Variants in NMNAT3 observed in about 807,000 individuals in gnomAD.
NMNAT3 encodes nicotinamide nucleotide adenylyltransferase 3.
In NMNAT3, 21 loss-of-function variants were observed where a neutral mutation model predicts 24.8. The ratio of observed to expected loss-of-function variants is 0.85; its 90% CI spans 0.60 to 1.22. NMNAT3 has a LOEUF of 1.22. NMNAT3 is among the 50% of genes most tolerant of loss of function. The pLI, the probability that NMNAT3 is intolerant of heterozygous loss-of-function variation, is 0.00. For synonymous variants in NMNAT3, 136 were observed against 155.2 expected, an observed-to-expected ratio of 0.88 and a Z score of 0.92; for missense variants, 387 against 436.6, an observed-to-expected ratio of 0.89 and a Z score of 1.01.
At chr3:139,588,120 T>G (rs1012020515) in intron 3 of NMNAT3, among the ~76,000 whole-genome samples, 2 of 152,152 alleles carry the variant, frequency 1.3e-5, no homozygotes, top group Non-Finnish European at 2.9e-5. Flanking sequence ...CCTTCCCCAC[T>G]GCTCTAGGTC....
chr3:139,639,290 T>C (rs547364964), intron 1 of NMNAT3, among the ~76,000 whole-genome samples: 1 of 152,306 alleles, frequency 6.6e-6, no homozygotes, highest in East Asian at 1.9e-4. Context: ...ATGGATGAGG[T>C]CAAAACAAAG....
chr3:139,662,397 C>G (rs541233241), intron 1 of NMNAT3, among the ~76,000 whole-genome samples: 1 of 152,216 alleles, frequency 6.6e-6, no homozygotes, highest in African/African-American at 2.4e-5. Context: ...CCTCAGAGGG[C>G]TGTTATGAAG....
At chr3:139,657,353 T>A (rs1455958144) in intron 1 of NMNAT3, among the ~76,000 whole-genome samples, 1 of 152,276 alleles carries the variant, frequency 6.6e-6, no homozygotes, top group African/African-American at 2.4e-5. Flanking sequence ...AAGAGTAAAT[T>A]GTTCTTCTTC....
In NMNAT3 at chr3:139,567,282, A is replaced by G. The variant is rs1937389026; in HGVS notation, c.659-5890T>C. 2.0e-5 allele frequency: 3 copies of G among 151,790 alleles called. No individual in the cohort carries two copies. The South Asian group carries it at 6.3e-4, about 32-fold the overall frequency. 9.4% of individuals were successfully genotyped at this position (151,790 alleles called of 1,614,324 possible). A position where few individuals can be genotyped will look rare whatever the true frequency, so the allele number is the denominator to read the frequency against. On this transcript the variant is annotated intron_variant, in intron 6 of 6. Transcript: ENST00000643695. Reference sequence around the variant, plus strand: ...GGGCTGAGACGATGGGGTTTTCTAGATATACAATCATGTCATCTGCAAACA... The same window carrying G: ...GGGCTGAGACGATGGGGTTTTCTAGGTATACAATCATGTCATCTGCAAACA...
intron 2 of NMNAT3, chr3:139,635,589 A>G (rs2056470906): frequency 6.6e-6 from 1 of 152,164 alleles, no homozygotes; most frequent in African/African-American, 2.4e-5. Flanking sequence ...TTAGGAATGC[A>G]AATAGCAGAA....
intron 3 of NMNAT3, 142 bp downstream of exon 4, chr3:139,627,474 T>C: frequency 1.8e-6 from 1 of 569,292 alleles, no homozygotes; most frequent in Non-Finnish European, 3.1e-6. Context: ...ATCAACCCTT[T>C]GAATATGATG....
At chr3:139,640,395 G>A (rs1187267115) in intron 1 of NMNAT3, among the ~76,000 whole-genome samples, 1 of 152,162 alleles carries the variant, frequency 6.6e-6, no homozygotes, top group Non-Finnish European at 1.5e-5. Flanking sequence ...TCTCCCCTAT[G>A]CTACTCAGCC....
At chr3:139,564,047 A>C (rs1008861593) in intron 6 of NMNAT3, among the ~76,000 whole-genome samples, 3 of 152,194 alleles carry the variant, frequency 2.0e-5, no homozygotes, top group Non-Finnish European at 4.4e-5. Context: ...AGATCAAAGA[A>C]CACCAATCTT....
intron 3 of NMNAT3, among the ~76,000 whole-genome samples, chr3:139,614,670 C>T (rs2055401368): frequency 1.3e-5 from 2 of 152,230 alleles, no homozygotes; most frequent in Admixed American, 6.5e-5. Flanking sequence ...GGACCCTCCT[C>T]GGTGCATCAT....
chr3:139,644,117 T>C (rs886628534), intron 1 of NMNAT3, among the ~76,000 whole-genome samples: 1 of 152,212 alleles, frequency 6.6e-6, no homozygotes, highest in Non-Finnish European at 1.5e-5. Flanking sequence ...GCATTTCAAT[T>C]ATGTAAGCCA....
At chr3:139,622,762 C>CAT (rs1365015729) in intron 3 of NMNAT3, among the ~76,000 whole-genome samples, 3 of 133,102 alleles carry the variant, frequency 2.3e-5, no homozygotes, top group East Asian at 2.0e-4. Context: ...GTATATATAT[C>CAT]ATATATATCA....
rs563076206 is a variant in NMNAT3, at chr3:139,578,619, C to G, written c.575+253G>C. Among the ~76,000 whole-genome samples the G allele has an allele frequency of 6.0e-4, 91 of 152,320 alleles. 1 individual carries two copies. The highest frequency in any genetic ancestry group is 1.0e-3 in the Non-Finnish European group (70 of 68,024). On this transcript the variant is annotated intron_variant, in intron 5 of 6. Coordinates refer to ENST00000643695, the MANE Select transcript of NMNAT3 (RefSeq NM_001320510.2). The stretch of plus-strand genomic sequence containing the variant: ...CACTAGACCCCAGTGCTACCGTCAT[C>G]TGAAATAAGGTTGGGTGTTTCCACA...
chr3:139,581,601 A>C (rs1279895148), intron 4 of NMNAT3, among the ~76,000 whole-genome samples: 1 of 152,178 alleles, frequency 6.6e-6, no homozygotes, highest in Non-Finnish European at 1.5e-5. Flanking sequence ...AAAAAGGAAA[A>C]GAGTACATAC....
intron 6 of NMNAT3, chr3:139,572,071 C>T (rs888551784): frequency 4.3e-5 from 17 of 398,708 alleles, no homozygotes; most frequent in Non-Finnish European, 7.1e-5. Flanking sequence ...GTGCCCCCTC[C>T]TCCATGCAGC....
At chr3:139,608,035 C>T (rs1206247111) in intron 3 of NMNAT3, among the ~76,000 whole-genome samples, 1 of 152,186 alleles carries the variant, frequency 6.6e-6, no homozygotes, top group Non-Finnish European at 1.5e-5. Flanking sequence ...TCTGAGGCAT[C>T]CTGGGTTTTC....
At chr3:139,659,812 G>A (rs557860377) in intron 1 of NMNAT3, among the ~76,000 whole-genome samples, 109 of 152,358 alleles carry the variant, frequency 7.2e-4, no homozygotes, top group African/African-American at 2.5e-3. Context: ...AACTCCCCAG[G>A]TGATTCTAGC....
chr3:139,630,702 G>A (rs750245322), intron 2 of NMNAT3, among the ~76,000 whole-genome samples: 3 of 152,160 alleles, frequency 2.0e-5, no homozygotes, highest in African/African-American at 4.8e-5. Flanking sequence ...TAGGCGGGCC[G>A]TGGTCTCTCC....
In NMNAT3 at chr3:139,627,689, ACAGG is replaced by A; in HGVS notation, c.32_35del (p.Ala11ValfsTer46). On this transcript the variant is annotated frameshift_variant, in exon 3 of 7. Transcript: ENST00000643695. LOFTEE classifies it high-confidence loss of function. ...TGTTGGTGATGGGGTTAAAGGAGCC[ACAGG>A]CCAGGAGCACCACAGGTATTCGGCT... 6.3e-7 allele frequency: 1 copy of A among 1,596,612 alleles called. No homozygotes were observed. Among genetic ancestry groups the A allele is most frequent in the South Asian group, 1.1e-5 (1 of 90,784 alleles).
At chr3:139,583,896 A>T (rs926135758) in intron 3 of NMNAT3, among the ~76,000 whole-genome samples, 1 of 152,232 alleles carries the variant, frequency 6.6e-6, no homozygotes, top group Non-Finnish European at 1.5e-5. Flanking sequence ...ATATTCTTTT[A>T]TCTGTTTAAT....
Sources: allele counts gnomAD v4.1 joint callset (sites outside exome capture counted in the v4.1 genomes callset), GRCh38; gene constraint gnomAD v4.1.1; transcripts MANE v1.5; gene names NCBI Gene and HGNC (gene_info 2026-07-23, HGNC 2026-07-21).